The following GNAQ variants were observed in gnomAD, a reference collection of about 807,000 sequenced individuals.
GNAQ encodes the protein G protein subunit alpha q.
GNAQ carries 8 observed loss-of-function variants against 43.9 expected under a neutral mutation model. The ratio of observed to expected loss-of-function variants is 0.18; its 90% CI spans 0.11 to 0.33. GNAQ has a LOEUF of 0.33. Among genes scored for constraint, GNAQ ranks in the 10% least tolerant of loss-of-function variants. GNAQ has a pLI of 1.00. For missense variants in GNAQ, 158 were observed against 450.8 expected (o/e 0.35, Z 5.88); for synonymous variants, 155 against 170.7 (o/e 0.91, Z 0.71).
At chr9:77,752,497 C>T (rs942492673) in intron 5 of GNAQ, among the ~76,000 whole-genome samples, 7 of 152,196 alleles carry the variant, frequency 4.6e-5, no homozygotes, top group Non-Finnish European at 2.9e-5. Flanking sequence ...GGAGTTCATT[C>T]ACATCCAATC....
chr9:78,019,671 C>T (rs993209152), intron 1 of GNAQ, among the ~76,000 whole-genome samples: 5 of 151,830 alleles, frequency 3.3e-5, no homozygotes, highest in African/African-American at 9.7e-5. Context: ...GCCTATAATC[C>T]CAACACTTTG....
intron 1 of GNAQ, among the ~76,000 whole-genome samples, chr9:77,986,583 G>A (rs1422267003): frequency 1.3e-5 from 2 of 152,122 alleles, no homozygotes; most frequent in Non-Finnish European, 2.9e-5. Context: ...ACAGCTCACT[G>A]TAGGCTCGAC....
intron 2 of GNAQ, among the ~76,000 whole-genome samples, chr9:77,909,678 G>GA (rs1466153563): frequency 2.8e-5 from 4 of 143,684 alleles, no homozygotes; most frequent in African/African-American, 1.0e-4. Flanking sequence ...AATAACACAA[G>GA]ATAGTAAAAA....
At chr9:77,875,344 A>C (rs1029130623) in intron 2 of GNAQ, among the ~76,000 whole-genome samples, 1 of 152,190 alleles carries the variant, frequency 6.6e-6, no homozygotes, top group Non-Finnish European at 1.5e-5. Flanking sequence ...GTGTAAACAT[A>C]AATATAATTT....
At chr9:77,722,787 G>C (rs1251177096) in intron 6 of GNAQ, among the ~76,000 whole-genome samples, 1 of 151,444 alleles carries the variant, frequency 6.6e-6, no homozygotes, top group Non-Finnish European at 1.5e-5. Context: ...CTCCTGAATA[G>C]CTGAAACTAT....
At chr9:77,999,997 T>A (rs1251214936) in intron 1 of GNAQ, among the ~76,000 whole-genome samples, 1 of 152,130 alleles carries the variant, frequency 6.6e-6, no homozygotes, top group Non-Finnish European at 1.5e-5. Flanking sequence ...TAAGAAAATA[T>A]GAAGTTAATA....
At chr9:78,000,240 C>T (rs1213546121) in intron 1 of GNAQ, among the ~76,000 whole-genome samples, 2 of 151,920 alleles carry the variant, frequency 1.3e-5, no homozygotes, top group East Asian at 1.9e-4. Context: ...AAATGTAGAG[C>T]GGTGAAAAAT....
intron 2 of GNAQ, among the ~76,000 whole-genome samples, chr9:77,879,433 A>G (rs1828177339): frequency 6.6e-6 from 1 of 151,950 alleles, no homozygotes. Context: ...CCAGCTTTGT[A>G]TTTTTAGTAC....
intron 3 of GNAQ, among the ~76,000 whole-genome samples, chr9:77,801,827 G>A (rs897514740): frequency 9.2e-5 from 14 of 152,150 alleles, no homozygotes; most frequent in African/African-American, 3.1e-4. Flanking sequence ...AGCTACCCAG[G>A]ATTGAAGATA....
chr9:77,812,077 C>T (rs935791596), intron 3 of GNAQ, among the ~76,000 whole-genome samples: 2 of 152,122 alleles, frequency 1.3e-5, no homozygotes, highest in Non-Finnish European at 1.5e-5. Flanking sequence ...TGTCCTGGTT[C>T]AGATGATTAA....
At chr9:77,774,337 G>A (rs1447959635) in intron 5 of GNAQ, among the ~76,000 whole-genome samples, 1 of 152,050 alleles carries the variant, frequency 6.6e-6, no homozygotes, top group Non-Finnish European at 1.5e-5. Flanking sequence ...ATACTGCTAC[G>A]TTTGCTAAGC....
chr9:77,757,822 C>A (rs563295906), intron 5 of GNAQ, among the ~76,000 whole-genome samples: 1 of 152,324 alleles, frequency 6.6e-6, no homozygotes, highest in South Asian at 2.1e-4. Flanking sequence ...TTTCAGCAGT[C>A]CAATATCTAG....
intron 1 of GNAQ, among the ~76,000 whole-genome samples, chr9:77,934,504 G>A (rs1829203709): frequency 6.6e-6 from 1 of 152,000 alleles, no homozygotes; most frequent in South Asian, 2.1e-4. Flanking sequence ...GAATTAAGGT[G>A]CTAGAGGGAG....
chr9:77,848,838 A>G (rs1020217325), intron 2 of GNAQ, among the ~76,000 whole-genome samples: 1 of 152,350 alleles, frequency 6.6e-6, no homozygotes, highest in Non-Finnish European at 1.5e-5. Flanking sequence ...GGAAAAAGGA[A>G]AAGGAAAGAA....
chr9:77,901,684 C>T (rs761099167), intron 2 of GNAQ, among the ~76,000 whole-genome samples: 4 of 152,172 alleles, frequency 2.6e-5, no homozygotes, highest in South Asian at 2.1e-4. Context: ...CTGGTTTGAA[C>T]GCTACCATCC....
chr9:77,888,634 A>G (rs992708796), intron 2 of GNAQ, among the ~76,000 whole-genome samples: 7 of 152,204 alleles, frequency 4.6e-5, no homozygotes, highest in Non-Finnish European at 1.0e-4. Flanking sequence ...TTGCCTTAAA[A>G]AAAGTACTCT....
chr9:77,901,848 T>G (rs1276347822), intron 2 of GNAQ, among the ~76,000 whole-genome samples: 4 of 152,216 alleles, frequency 2.6e-5, no homozygotes, highest in Non-Finnish European at 5.9e-5. Context: ...GCACACTCAG[T>G]GTCTGCTGAG....
chr9:77,914,419 G>A (rs932302035), intron 2 of GNAQ, among the ~76,000 whole-genome samples: 5 of 152,190 alleles, frequency 3.3e-5, no homozygotes, highest in African/African-American at 1.2e-4. Context: ...AGCACTTTGG[G>A]AGGCCGAGGC....
rs570769987 is a variant in GNAQ at position 77,935,297 on chromosome 9, C to G, written c.137-12952G>C. The stretch of plus-strand genomic sequence containing the variant: ...TTGATGTTGATCAAAAACCATAGTA[C>G]CTGCTGGGGGGTCTCATTATTGGCA... On this transcript the variant is annotated intron_variant, in intron 1 of 6. Coordinates refer to ENST00000286548, the MANE Select transcript of GNAQ (RefSeq NM_002072.5). Among the ~76,000 whole-genome samples the G allele has an allele frequency of 9.2e-5, 14 of 152,218 alleles. No individual in the cohort carries two copies. In the South Asian group the frequency reaches 2.9e-3, roughly 32 times the overall value.
Sources: allele counts gnomAD v4.1 joint callset (sites outside exome capture counted in the v4.1 genomes callset), GRCh38; gene constraint gnomAD v4.1.1; transcripts MANE v1.5; gene names NCBI Gene and HGNC (gene_info 2026-07-23, HGNC 2026-07-21).